LINS1: variants seen among roughly 807,000 people sequenced by gnomAD.
LINS1 encodes lines homolog 1.
In LINS1, 27 loss-of-function variants were observed where a neutral mutation model predicts 41.6. The observed-to-expected ratio is 0.65, with a 90% CI of 0.48 to 0.89. The LOEUF (loss-of-function observed/expected upper bound fraction) is 0.89. LINS1 is among the 40% of genes least tolerant of loss of function. The pLI is 0.00. For missense variants in LINS1, 955 were observed against 884.1 expected (o/e 1.08, Z -1.02); for synonymous variants, 336 against 312.9 (o/e 1.07, Z -0.78).
chr15:100,572,514 C>A, intron 5 of LINS1: 1 of 1,015,716 alleles, frequency 9.8e-7, no homozygotes, highest in Non-Finnish European at 1.2e-6. Flanking sequence ...AGAAGTACTA[C>A]TATTAAGCAC....
intron 1 of LINS1, among the ~76,000 whole-genome samples, chr15:100,593,267 A>G (rs757209504): frequency 6.6e-6 from 1 of 152,196 alleles, no homozygotes; most frequent in Non-Finnish European, 1.5e-5. Flanking sequence ...AGGAGCAGTG[A>G]TTCTCTTAGT....
intron 6 of LINS1, 167 bp from the exon 7 acceptor site, chr15:100,570,284 C>G: frequency 1.9e-6 from 1 of 527,650 alleles, no homozygotes; most frequent in Non-Finnish European, 3.2e-6. Flanking sequence ...CCCATAAGCT[C>G]TAAAGAAATC....
intron 1 of LINS1, among the ~76,000 whole-genome samples, chr15:100,599,665 T>TTC (rs1295449777): frequency 6.6e-6 from 1 of 152,244 alleles, no homozygotes; most frequent in Non-Finnish European, 1.5e-5. Context: ...ATTTATTCAT[T>TTC]TCTCTCTCCC....
Position 100,569,935 on chromosome 15 carries a change from C to T in LINS1, c.1577G>A (p.Arg526Lys), listed in dbSNP as rs1454223296. ...SETCFLEYFV[R>K]YLKLLQKDWD... ...GTCCTTTTGCAGTAATTTTAAATAT[C>T]TAACAAAATATTCAAGAAAACAGGT... Residue 526 changes from arginine (R) to lysine (K), a missense_variant, in exon 7 of 7, where the codon AGA becomes AAA. By Grantham distance (26) the Arg-to-Lys change is conservative. Transcript: ENST00000314742. 6.3e-7 allele frequency: 1 copy of T among 1,594,108 alleles called. No homozygotes were observed. Among genetic ancestry groups the T allele is most frequent in the Non-Finnish European group, 8.6e-7 (1 of 1,167,940 alleles).
chr15:100,593,507 T>C (rs2039125073), intron 1 of LINS1, among the ~76,000 whole-genome samples: 2 of 148,386 alleles, frequency 1.3e-5, no homozygotes, highest in South Asian at 2.1e-4. Context: ...TTAAACTTTA[T>C]TGAGTACCTA....
intron 1 of LINS1, among the ~76,000 whole-genome samples, chr15:100,592,533 G>C (rs1206061109): frequency 3.3e-5 from 5 of 151,802 alleles, no homozygotes; most frequent in Admixed American, 2.6e-4. Flanking sequence ...CCATCTAGGT[G>C]GTCCAAAAAA....
rs777968890 is a variant in LINS1 at position 100,600,551 on chromosome 15, C to CCAAAAAAAA, written c.-104+1569_-104+1570insTTTTTTTTG. Among the ~76,000 whole-genome samples the CCAAAAAAAA allele has an allele frequency of 3.4e-3, 269 of 79,682 alleles. 11 individuals are homozygous for CCAAAAAAAA. Among genetic ancestry groups the CCAAAAAAAA allele is most frequent in the African/African-American group, 0.016 (247 of 15,018 alleles). 52.3% of individuals were successfully genotyped at this position (79,682 alleles called of 152,430 possible). A position where few individuals can be genotyped will look rare whatever the true frequency, so the allele number is the denominator to read the frequency against. On this transcript the variant is annotated intron_variant, in intron 1 of 6. Transcript: ENST00000314742. ...TTTACATTGGAGTCCTGCTGTTAAG[C>CCAAAAAAAA]AAAAAAAAAAAAAAAAAAAACAGGG...
At position 100,569,642 on chromosome 15, in the gene LINS1, G is replaced by A. The variant is rs1567710025; in HGVS notation, c.1870C>T (p.Gln624Ter). ...ASSLSSPRASQSLVDYDSSDD... is the reference protein window; with the variant it reads ...ASSLSSPRAS The stretch of plus-strand genomic sequence containing the variant: ...GAGCTGTCGTAATCTACCAGACTTT[G>A]AGAGGCCCGGGGGGAAGACAGACTA... Residue 624 changes from glutamine (Q) to a stop codon, truncating the protein, a stop_gained, in exon 7 of 7, where the codon CAA (glutamine) becomes TAA (stop). Transcript: ENST00000314742. LOFTEE classifies it low-confidence loss of function (END_TRUNC). The A allele has an allele frequency of 6.2e-7, 1 of 1,613,096 alleles. No individual in the cohort carries two copies.
At chr15:100,596,291 G>A (rs2039241185) in intron 1 of LINS1, among the ~76,000 whole-genome samples, 1 of 152,210 alleles carries the variant, frequency 6.6e-6, no homozygotes, top group South Asian at 2.1e-4. Context: ...TATCCTAGGA[G>A]CTTCCCATAA....
intron 3 of LINS1, among the ~76,000 whole-genome samples, chr15:100,577,111 T>C (rs2038231222): frequency 2.0e-5 from 3 of 152,300 alleles, no homozygotes. Flanking sequence ...CTTTGAAAAC[T>C]GGCACAAGAC....
chr15:100,570,187 T>G (rs1169805836), intron 6 of LINS1, 70 bp from the exon 7 acceptor site: 2 of 1,227,058 alleles, frequency 1.6e-6, no homozygotes, highest in African/African-American at 1.5e-5. Context: ...CCAGATATAA[T>G]TCACATACCA....
chr15:100,581,021 A>G, intron 1 of LINS1, 76 bp from the exon 2 acceptor site: 1 of 573,798 alleles, frequency 1.7e-6, no homozygotes, highest in Non-Finnish European at 3.0e-6. Flanking sequence ...TTTCCACTTA[A>G]TCACTAAGTC....
At chr15:100,598,806 A>G (rs1596978225) in intron 1 of LINS1, among the ~76,000 whole-genome samples, 1 of 152,228 alleles carries the variant, frequency 6.6e-6, no homozygotes, top group Non-Finnish European at 1.5e-5. Context: ...TCTTTATTAC[A>G]CCAAGATCCC....
At chr15:100,578,854 G>C (rs28472701) in intron 3 of LINS1, among the ~76,000 whole-genome samples, 24,736 of 152,040 alleles carry the variant, frequency 0.16, 2,338 homozygotes, top group South Asian at 0.21. Context: ...CATAAAAAAT[G>C]ATGAGTTCAT....
In LINS1 at chr15:100,569,692, T is replaced by G; in HGVS notation, c.1820A>C (p.Lys607Thr). ...PSEPLKAVMS[K>T]GAHTMCASSL... ...AGAAGCACACATGGTGTGAGCCCCCTTGGACATCACAGCTTTCAGTGGTTC... is the reference window on the plus strand; with the variant it reads ...AGAAGCACACATGGTGTGAGCCCCCGTGGACATCACAGCTTTCAGTGGTTC... The change falls in exon 7 of 7, where the codon AAG (lysine) becomes ACG (threonine). Residue 607 changes from lysine to threonine, a missense_variant. Transcript: ENST00000314742. 6.2e-7 allele frequency: 1 copy of G among 1,613,842 alleles called. No homozygotes were observed. Among genetic ancestry groups the G allele is most frequent in the African/African-American group, 1.3e-5 (1 of 75,026 alleles).
At chr15:100,572,712 T>C in intron 5 of LINS1, 5 of 985,960 alleles carry the variant, frequency 5.1e-6, no homozygotes, top group Non-Finnish European at 6.0e-6. Context: ...ACTGAATCTG[T>C]ATGCTGCCTG....
intron 1 of LINS1, among the ~76,000 whole-genome samples, chr15:100,583,013 C>A (rs1016869639): frequency 2.6e-5 from 4 of 151,636 alleles, no homozygotes; most frequent in African/African-American, 9.7e-5. Flanking sequence ...TGCTCTTACA[C>A]TGGGTCTTCT....
intron 1 of LINS1, among the ~76,000 whole-genome samples, chr15:100,587,632 G>T (rs921482063): frequency 1.3e-5 from 2 of 151,978 alleles, no homozygotes; most frequent in African/African-American, 4.8e-5. Flanking sequence ...TGGTTCTGTG[G>T]ATATTCTGTT....
In LINS1 at chr15:100,573,686, T is replaced by A. The variant is rs748214045; in HGVS notation, c.1187A>T (p.Lys396Met). 6.2e-7 allele frequency: 1 copy of A among 1,610,216 alleles called. No homozygotes were observed. Among genetic ancestry groups the A allele is most frequent in the Non-Finnish European group, 8.5e-7 (1 of 1,178,214 alleles). Reference protein sequence around the residue: ...SLVIMKSLEIKFQNYSSASEV... With the variant: ...SLVIMKSLEIMFQNYSSASEV... ...ACTTGCTGAAGAATAATTTTGAAAC[T>A]TGATTTCTAAGGATTTCATTATAAC... The change falls in exon 5 of 7, where the codon AAG becomes ATG. Residue 396 changes from lysine (K) to methionine (M), a missense_variant. Lys to Met is a moderately conservative substitution (Grantham distance 95). Transcript: ENST00000314742.
Sources: allele counts gnomAD v4.1 joint callset (sites outside exome capture counted in the v4.1 genomes callset), GRCh38; gene constraint gnomAD v4.1.1; transcripts MANE v1.5; gene names NCBI Gene and HGNC (gene_info 2026-07-23, HGNC 2026-07-21).